Variants in FRMD4B observed in about 807,000 individuals in gnomAD.
FRMD4B encodes the protein FERM domain-containing protein 4B.
Under a neutral mutation model 141.5 loss-of-function variants are expected in FRMD4B, and 74 were observed. The ratio of observed to expected loss-of-function variants is 0.52; its 90% CI spans 0.43 to 0.63. FRMD4B has a LOEUF of 0.63. Among genes scored for constraint, FRMD4B ranks in the 30% least tolerant of loss-of-function variants. FRMD4B has a pLI of 0.00. For missense variants in FRMD4B, 1,366 were observed against 1,253.4 expected, an observed-to-expected ratio of 1.09 and a Z score of -1.36; for synonymous variants, 506 against 467.9, an observed-to-expected ratio of 1.08 and a Z score of -1.05.
Position 69,508,204 on chromosome 3 carries a change from T to C in FRMD4B, c.-129+34002A>G, listed in dbSNP as rs1437283228. On this transcript the variant is annotated intron_variant, in intron 1 of 5. Coordinates refer to the FRMD4B transcript ENST00000459638. ...GTTTCCTGAATGGCAAAAAATAACA[T>C]AATAAAGGGTAACATTTTACATAAG... Among the ~76,000 whole-genome samples, 8 of 152,258 alleles carry C rather than the reference T, an allele frequency of 5.3e-5. No homozygotes were observed. In the South Asian group the frequency reaches 1.0e-3, roughly 20 times the overall value.
chr3:69,299,643 T>C (rs911369138), intron 4 of FRMD4B, among the ~76,000 whole-genome samples: 30 of 152,238 alleles, frequency 2.0e-4, no homozygotes, highest in Non-Finnish European at 1.5e-4. Context: ...ATCTCTTTTG[T>C]TAAAGTGATT....
At chr3:69,277,917 C>A (rs2093626037) in intron 5 of FRMD4B, among the ~76,000 whole-genome samples, 1 of 151,208 alleles carries the variant, frequency 6.6e-6, no homozygotes, top group Non-Finnish European at 1.5e-5. Context: ...GTACAGTGGC[C>A]CGATCTCGGC....
At chr3:69,381,588 G>A (rs1400807194) in intron 1 of FRMD4B, among the ~76,000 whole-genome samples, 2 of 152,142 alleles carry the variant, frequency 1.3e-5, no homozygotes, top group African/African-American at 4.8e-5. Context: ...TGTGTTTCTA[G>A]TCCATATGCC....
chr3:69,175,939 C>T (rs2092640431), intron 22 of FRMD4B, among the ~76,000 whole-genome samples: 1 of 151,888 alleles, frequency 6.6e-6, no homozygotes, highest in Non-Finnish European at 1.5e-5. Context: ...CGCCACCATG[C>T]CCAACTAATT....
chr3:69,182,145 C>G (rs2092715280), intron 20 of FRMD4B, among the ~76,000 whole-genome samples: 1 of 152,172 alleles, frequency 6.6e-6, no homozygotes, highest in African/African-American at 2.4e-5. Context: ...CTGCTATTTC[C>G]CAGCTGTATG....
rs1032717380 is a variant in FRMD4B, at chr3:69,169,234, A to G, written c.*2627T>C. 5.9e-5 allele frequency among the ~76,000 whole-genome samples: 9 copies of G among 152,114 alleles called. No homozygotes were observed. The highest frequency in any genetic ancestry group is 1.3e-4 in the Non-Finnish European group (9 of 68,022). ...ACATGTTGAATAATGTACTTTTGTC[A>G]CTTTTGGCTTTTAATAAATAACGTA... is the stretch of plus-strand genomic sequence containing the variant. On this transcript the variant is annotated 3_prime_UTR_variant, in exon 23 of 23. Transcript: ENST00000398540.
intron 1 of FRMD4B, among the ~76,000 whole-genome samples, chr3:69,503,306 C>T (rs1057230077): frequency 7.2e-5 from 11 of 152,104 alleles, no homozygotes; most frequent in African/African-American, 2.7e-4. Flanking sequence ...CAATGATAGA[C>T]TGGATTAAGA....
At chr3:69,180,543 A>ATGT (rs2092695081) in intron 21 of FRMD4B, among the ~76,000 whole-genome samples, 1 of 152,104 alleles carries the variant, frequency 6.6e-6, no homozygotes, top group Non-Finnish European at 1.5e-5. Flanking sequence ...AGACAAAGCA[A>ATGT]GTGAAACCCC....
At position 69,207,307 on chromosome 3, in the gene FRMD4B, T is replaced by A. The variant is rs112604822; in HGVS notation, c.877-8533A>T. On this transcript the variant is annotated intron_variant, in intron 11 of 22. Coordinates refer to ENST00000398540, the MANE Select transcript of FRMD4B (RefSeq NM_015123.3). The stretch of plus-strand genomic sequence containing the variant: ...GCAACAGAGTTAGAACCTATGTCTT[T>A]AAAAAAAAAAAAAAAAGAAAGAAAG... 5.6e-3 allele frequency among the ~76,000 whole-genome samples: 770 copies of A among 136,908 alleles called. 11 individuals are homozygous for A. Among genetic ancestry groups the A allele is most frequent in the African/African-American group, 0.019 (713 of 37,280 alleles). 89.8% of individuals were successfully genotyped at this position (136,908 alleles called of 152,430 possible).
intron 5 of FRMD4B, among the ~76,000 whole-genome samples, chr3:69,285,653 G>A (rs1415879683): frequency 1.3e-5 from 2 of 152,080 alleles, no homozygotes; most frequent in Non-Finnish European, 2.9e-5. Context: ...AGACCAGCCT[G>A]GCCAATATGG....
chr3:69,246,360 A>G (rs1388391680), intron 7 of FRMD4B, among the ~76,000 whole-genome samples: 1 of 152,122 alleles, frequency 6.6e-6, no homozygotes, highest in Admixed American at 6.6e-5. Flanking sequence ...GGAGGCTGAG[A>G]TGAAAGAACT....
intron 1 of FRMD4B, among the ~76,000 whole-genome samples, chr3:69,436,151 G>C (rs1705256067): frequency 6.6e-6 from 1 of 152,122 alleles, no homozygotes; most frequent in Non-Finnish European, 1.5e-5. Flanking sequence ...TACTTCACCA[G>C]AGAGTTCCCC....
chr3:69,240,278 G>C (rs1186394932), intron 7 of FRMD4B, among the ~76,000 whole-genome samples: 1 of 151,810 alleles, frequency 6.6e-6, no homozygotes, highest in Non-Finnish European at 1.5e-5. Flanking sequence ...TCAGAAGATC[G>C]AGACCATTCT....
chr3:69,295,638 A>C lies in FRMD4B; in HGVS notation c.416+6705T>G, dbSNP rs936527250. On this transcript the variant is annotated intron_variant, in intron 4 of 22. Coordinates refer to ENST00000398540, the MANE Select transcript of FRMD4B (RefSeq NM_015123.3). ...CTGGCCTGGGAGCATCATTGACGTCAGTAAGTGGAGACCAGGGATGCTGCT... is the reference window on the plus strand; with the variant it reads ...CTGGCCTGGGAGCATCATTGACGTCCGTAAGTGGAGACCAGGGATGCTGCT... Among the ~76,000 whole-genome samples the C allele has an allele frequency of 1.2e-4, 18 of 152,094 alleles. 1 individual carries two copies. The South Asian group carries it at 3.1e-3, about 26-fold the overall frequency.
chr3:69,447,973 T>G (rs982479111), intron 1 of FRMD4B, among the ~76,000 whole-genome samples: 3 of 152,192 alleles, frequency 2.0e-5, no homozygotes, highest in African/African-American at 7.2e-5. Flanking sequence ...TTTGGATTCT[T>G]TCCTGTTTGG....
At chr3:69,510,505 A>G (rs1480053085) in intron 1 of FRMD4B, among the ~76,000 whole-genome samples, 1 of 152,192 alleles carries the variant, frequency 6.6e-6, no homozygotes, top group Non-Finnish European at 1.5e-5. Flanking sequence ...GTGTTTCTGA[A>G]ATTATAAATC....
intron 1 of FRMD4B, among the ~76,000 whole-genome samples, chr3:69,493,592 T>C (rs1706337714): frequency 6.6e-6 from 1 of 152,146 alleles, no homozygotes; most frequent in Admixed American, 6.5e-5. Context: ...TAGATCTCTC[T>C]GGTTCTCTAC....
chr3:69,356,471 T>C (rs960672837), intron 1 of FRMD4B, among the ~76,000 whole-genome samples: 10 of 152,002 alleles, frequency 6.6e-5, no homozygotes, highest in East Asian at 3.9e-4. Flanking sequence ...GTTCTTCAGT[T>C]TGGGGACTCG....
At chr3:69,397,777 T>C (rs1704497053) in intron 2 of FRMD4B, among the ~76,000 whole-genome samples, 1 of 152,178 alleles carries the variant, frequency 6.6e-6, no homozygotes, top group South Asian at 2.1e-4. Context: ...AATGAAAATG[T>C]TCTAAAATTA....
Sources: gnomAD v4.1 joint callset for allele counts (sites outside exome capture counted in the v4.1 genomes callset) on GRCh38, gnomAD v4.1.1 for gene constraint, MANE v1.5 for transcripts, NCBI Gene and HGNC (gene_info 2026-07-23, HGNC 2026-07-21) for gene names.